TOP6BL: variants seen among roughly 807,000 people sequenced by gnomAD.
The protein encoded by TOP6BL is TOP6B like initiator of meiotic double strand breaks.
chr11:66,744,919 G>A, the TOP6BL span: 3 of 1,257,172 alleles, frequency 2.4e-6, no homozygotes, highest in African/African-American at 3.1e-5. Context: ...CCGTGTTCGA[G>A]GTGATGCTGG....
the TOP6BL span, among the ~76,000 whole-genome samples, chr11:66,770,687 G>C: frequency 6.6e-6 from 1 of 152,204 alleles, no homozygotes; most frequent in Non-Finnish European, 1.5e-5. Flanking sequence ...CTGGGTGACA[G>C]AGCCAGACTC....
the TOP6BL span, chr11:66,796,358 C>A: frequency 6.2e-7 from 1 of 1,605,876 alleles, no homozygotes; most frequent in South Asian, 1.1e-5. Flanking sequence ...TCATGGTGCA[C>A]CCTAAGGTAA....
the TOP6BL span, among the ~76,000 whole-genome samples, chr11:66,795,069 G>A: frequency 2.0e-5 from 3 of 150,128 alleles, no homozygotes; most frequent in Admixed American, 2.0e-4. Flanking sequence ...GGGAGGCAGA[G>A]GTTGCAGTGA....
At chr11:66,762,162 A>C in the TOP6BL span, 10 of 816,734 alleles carry the variant, frequency 1.2e-5, no homozygotes, top group East Asian at 2.5e-4. Context: ...TCACTCAGGA[A>C]ATCAATCAAA....
the TOP6BL span, among the ~76,000 whole-genome samples, chr11:66,745,610 C>A: frequency 6.6e-6 from 1 of 152,202 alleles, no homozygotes; most frequent in South Asian, 2.1e-4. Context: ...GTGACAGAAG[C>A]ACAGGCTCTG....
At chr11:66,765,457 T>A in the TOP6BL span, among the ~76,000 whole-genome samples, 1 of 152,212 alleles carries the variant, frequency 6.6e-6, no homozygotes, top group Non-Finnish European at 1.5e-5. Context: ...AAGTCTTCTC[T>A]CCAGTTGTTA....
the TOP6BL span, among the ~76,000 whole-genome samples, chr11:66,822,408 T>C: frequency 1.3e-5 from 2 of 152,196 alleles, no homozygotes; most frequent in South Asian, 2.1e-4. Flanking sequence ...CTAAGTGTTA[T>C]GATGTAAAAA....
chr11:66,816,162 C>T, the TOP6BL span: 3 of 1,608,824 alleles, frequency 1.9e-6, no homozygotes, highest in Non-Finnish European at 8.5e-7. Context: ...TTGTGGATTT[C>T]CACAGTGCAT....
chr11:66,752,548 T>C, the TOP6BL span, among the ~76,000 whole-genome samples: 1 of 151,838 alleles, frequency 6.6e-6, no homozygotes, highest in Non-Finnish European at 1.5e-5. Flanking sequence ...GCCTCCCGGG[T>C]TCAAGTGATT....
the TOP6BL span, among the ~76,000 whole-genome samples, chr11:66,785,735 G>A: frequency 6.6e-6 from 1 of 152,128 alleles, no homozygotes; most frequent in African/African-American, 2.4e-5. Context: ...AATCCCCTTG[G>A]CTGTAACCAA....
chr11:66,843,447 C>A, the TOP6BL span: 1 of 1,401,424 alleles, frequency 7.1e-7, no homozygotes, highest in Non-Finnish European at 9.2e-7. Flanking sequence ...CGCCGCGGGT[C>A]AGGGCGCAAT....
chr11:66,822,751 C>A, the TOP6BL span: 1 of 1,035,810 alleles, frequency 9.7e-7, no homozygotes, highest in Non-Finnish European at 1.5e-6. Flanking sequence ...TGCCTATAAT[C>A]GCAGCACTTT....
chr11:66,769,175 A>G, the TOP6BL span, among the ~76,000 whole-genome samples: 3 of 152,186 alleles, frequency 2.0e-5, no homozygotes, highest in African/African-American at 7.2e-5. Flanking sequence ...AGTAGACTTT[A>G]TGGCTAGCCA....
chr11:66,747,820 A>G, the TOP6BL span, among the ~76,000 whole-genome samples: 1 of 150,326 alleles, frequency 6.7e-6, no homozygotes, highest in Non-Finnish European at 1.5e-5. Flanking sequence ...AGGTCTGCGT[A>G]TGTTGTCCAG....
At chr11:66,788,836 G>C in the TOP6BL span, among the ~76,000 whole-genome samples, 50 of 152,172 alleles carry the variant, frequency 3.3e-4, no homozygotes, top group Non-Finnish European at 5.6e-4. Context: ...CTACAGACTT[G>C]AACTCCTGAG....
the TOP6BL span, among the ~76,000 whole-genome samples, chr11:66,752,333 T>G: frequency 6.6e-6 from 1 of 152,164 alleles, no homozygotes; most frequent in Non-Finnish European, 1.5e-5. Context: ...CCTTCAGAAT[T>G]TTGATGACAT....
At chr11:66,840,830 G>C in the TOP6BL span, among the ~76,000 whole-genome samples, 2 of 152,080 alleles carry the variant, frequency 1.3e-5, no homozygotes, top group Non-Finnish European at 2.9e-5. Context: ...ACTTTCCTCT[G>C]GTCATGCCTA....
chr11:66,768,870 C>G, the TOP6BL span, among the ~76,000 whole-genome samples: 1 of 152,108 alleles, frequency 6.6e-6, no homozygotes, highest in Non-Finnish European at 1.5e-5. Flanking sequence ...AAGGATAGCT[C>G]TTATTATTAG....
the TOP6BL span, among the ~76,000 whole-genome samples, chr11:66,792,252 G>T: frequency 6.6e-6 from 1 of 152,058 alleles, no homozygotes. Context: ...CGGTCCTTCT[G>T]CTGTATTCCT....
Sources: gnomAD v4.1 joint callset for allele counts (sites outside exome capture counted in the v4.1 genomes callset) on GRCh38, gnomAD v4.1.1 for gene constraint, MANE v1.5 for transcripts, NCBI Gene and HGNC (gene_info 2026-07-23, HGNC 2026-07-21) for gene names.